The following CALD1 variants were observed in gnomAD, a reference collection of about 807,000 sequenced individuals.
The protein encoded by CALD1 is caldesmon 1, also known as caldesmon.
CALD1 carries 33 observed loss-of-function variants against 99.9 expected under a neutral mutation model. The observed-to-expected ratio is 0.33, with a 90% CI of 0.25 to 0.44. The LOEUF is 0.44. Ranked by LOEUF, CALD1 falls within the 20% of genes least tolerant of loss-of-function variation. CALD1 has a pLI of 1.00. For missense variants in CALD1, 861 were observed against 962.1 expected, an observed-to-expected ratio of 0.89 and a Z score of 1.39; for synonymous variants, 310 against 325.0, an observed-to-expected ratio of 0.95 and a Z score of 0.50.
chr7:134,739,169 G>A, the CALD1 span, among the ~76,000 whole-genome samples: 1 of 152,038 alleles, frequency 6.6e-6, no homozygotes. Context: ...TTCTATAGTG[G>A]GAAACAAGCA....
chr7:134,968,583 G>C lies in CALD1; in HGVS notation c.*238G>C. 1 of 691,854 alleles carries C rather than the reference G, an allele frequency of 1.4e-6. No individual in the cohort carries two copies. Among genetic ancestry groups the C allele is most frequent in the Non-Finnish European group, 2.6e-6 (1 of 377,474 alleles). The allele number at this position is 691,854 out of a possible 1,614,324, so 42.9% of individuals were successfully genotyped here. A position where few individuals can be genotyped will look rare whatever the true frequency, so the allele number is the denominator to read the frequency against. On this transcript the variant is annotated 3_prime_UTR_variant, in exon 15 of 15. Transcript: ENST00000361675. ...CTGTTTCTAAAGAAACCCATGCTGT[G>C]AAATAGAGACTTTTCTACTGATCAT...
chr7:134,747,205 G>A (rs1796642184), intron 1 of CALD1, among the ~76,000 whole-genome samples: 1 of 152,172 alleles, frequency 6.6e-6, no homozygotes, highest in South Asian at 2.1e-4. Context: ...ACCAAAGATA[G>A]AAGAAGTGAC....
Position 134,947,562 on chromosome 7 carries a change from G to C in CALD1, c.1587G>C (p.Gln529His). 1 of 1,562,400 alleles carries C rather than the reference G, an allele frequency of 6.4e-7. No homozygotes were observed. Among genetic ancestry groups the C allele is most frequent in the Non-Finnish European group, 8.7e-7 (1 of 1,152,956 alleles). ...VDTKEAEGAP[Q>H]VEAGKRLEEL... ...CCAAGGAGGCTGAGGGCGCCCCCCA[G>C]GTGGAAGCCGGCAAAAGGCTGGAGG... is the stretch of plus-strand genomic sequence containing the variant. Residue 529 changes from glutamine to histidine, a missense_variant, in exon 8 of 15, where the codon CAG (glutamine) becomes CAC (histidine). This residue lies in a region of CALD1 where 293 missense variants were observed against 262.7 expected (regional missense o/e 1.12). Coordinates refer to ENST00000361675, the MANE Select transcript of CALD1 (RefSeq NM_033138.4).
intron 2 of CALD1, among the ~76,000 whole-genome samples, chr7:134,853,061 A>G (rs933058793): frequency 2.6e-5 from 4 of 152,328 alleles, no homozygotes; most frequent in Admixed American, 1.3e-4. Flanking sequence ...GGGTCTAGAA[A>G]GATGCCCTCT....
At chr7:134,912,552 A>G (rs769897870) in intron 3 of CALD1, among the ~76,000 whole-genome samples, 7 of 152,200 alleles carry the variant, frequency 4.6e-5, no homozygotes, top group Non-Finnish European at 8.8e-5. Flanking sequence ...TTTACAGCAG[A>G]GAGGGGGAAT....
At chr7:134,777,186 T>G (rs1796925019), upstream of CALD1, among the ~76,000 whole-genome samples, 1 of 152,170 alleles carries the variant, frequency 6.6e-6, no homozygotes, top group Non-Finnish European at 1.5e-5. Context: ...AATTCTTGAT[T>G]GTTTAAAAAA....
chr7:134,917,808 G>A (rs546394291), intron 3 of CALD1, among the ~76,000 whole-genome samples: 3 of 152,326 alleles, frequency 2.0e-5, no homozygotes, highest in South Asian at 2.1e-4. Context: ...GATGGAAAGA[G>A]AGGAAGGAGT....
intron 1 of CALD1, among the ~76,000 whole-genome samples, chr7:134,816,520 C>T (rs889496977): frequency 6.6e-6 from 1 of 152,180 alleles, no homozygotes; most frequent in Non-Finnish European, 1.5e-5. Flanking sequence ...TGTGTACATG[C>T]TCAGAAACCA....
chr7:134,965,341 C>A lies in CALD1; in HGVS notation c.2331C>A (p.Asn777Lys). The change falls in exon 14 of 15, where the codon AAC (asparagine) becomes AAA (lysine). Residue 777 changes from asparagine (N) to lysine (K), a missense_variant. By Grantham distance (94) the Asn-to-Lys change is moderately conservative (BLOSUM62 0). Coordinates refer to ENST00000361675, the MANE Select transcript of CALD1 (RefSeq NM_033138.4). Reference sequence around the variant, plus strand: ...CAGGAGACGTATCCAGCAAGCGGAACCTCTGGGAAAAGCAATCTGTGGATA... The same window carrying A: ...CAGGAGACGTATCCAGCAAGCGGAAACTCTGGGAAAAGCAATCTGTGGATA... ...LRPGDVSSKRNLWEKQSVDKV... is the reference protein window; with the variant it reads ...LRPGDVSSKRKLWEKQSVDKV... 6.3e-7 allele frequency: 1 copy of A among 1,596,902 alleles called. No homozygotes were observed. The highest frequency in any genetic ancestry group is 8.6e-7 in the Non-Finnish European group (1 of 1,164,356).
Position 134,970,673 on chromosome 7 carries a change from A to G in CALD1, c.*2328A>G, listed in dbSNP as rs957676505. On this transcript the variant is annotated 3_prime_UTR_variant, in exon 15 of 15. Transcript: ENST00000361675. Reference sequence around the variant, plus strand: ...TTTCTCACTTATTTTTATGTACAATATTGATAGTGAGAGGTATGTCTATTA... The same window carrying G: ...TTTCTCACTTATTTTTATGTACAATGTTGATAGTGAGAGGTATGTCTATTA... 1.3e-5 allele frequency: 2 copies of G among 152,506 alleles called. No individual in the cohort carries two copies. The highest frequency in any genetic ancestry group is 2.4e-5 in the African/African-American group (1 of 41,438). 9.4% of individuals were successfully genotyped at this position (152,506 alleles called of 1,614,324 possible).
At chr7:134,868,790 G>A (rs1281764675) in intron 3 of CALD1, among the ~76,000 whole-genome samples, 3 of 152,154 alleles carry the variant, frequency 2.0e-5, no homozygotes, top group African/African-American at 7.2e-5. Flanking sequence ...AAGGCACTAT[G>A]GATGGTACCT....
chr7:134,743,049 GAA>G (rs994118695), upstream of CALD1, among the ~76,000 whole-genome samples: 4 of 152,174 alleles, frequency 2.6e-5, no homozygotes, highest in African/African-American at 9.7e-5. Context: ...ATACTCATAG[GAA>G]AAGATTTTTG....
At chr7:134,764,844 G>A (rs1230492708) in intron 1 of CALD1, among the ~76,000 whole-genome samples, 1 of 152,134 alleles carries the variant, frequency 6.6e-6, no homozygotes, top group East Asian at 1.9e-4. Flanking sequence ...CGTGATGTGG[G>A]GCTGGTGCCA....
chr7:134,714,674 A>G, the CALD1 span, among the ~76,000 whole-genome samples: 1 of 152,260 alleles, frequency 6.6e-6, no homozygotes, highest in African/African-American at 2.4e-5. Flanking sequence ...GAGGAGCAGC[A>G]TATGGGCTGT....
At chr7:134,711,722 GTGTGTC>G in the CALD1 span, among the ~76,000 whole-genome samples, 696 of 96,202 alleles carry the variant, frequency 7.2e-3, 8 homozygotes, top group African/African-American at 0.021. Context: ...GTGTGTGTGT[GTGTGTC>G]TCTCTCTCTG....
chr7:134,760,030 G>T (rs1295562511), intron 1 of CALD1, among the ~76,000 whole-genome samples: 2 of 152,176 alleles, frequency 1.3e-5, no homozygotes, highest in African/African-American at 2.4e-5. Context: ...GAAGATATGT[G>T]CAGGGGAAAG....
chr7:134,762,774 C>T (rs1796790284), intron 1 of CALD1, among the ~76,000 whole-genome samples: 1 of 152,142 alleles, frequency 6.6e-6, no homozygotes, highest in Non-Finnish European at 1.5e-5. Flanking sequence ...CACCCATGAT[C>T]CAATCACCTC....
At chr7:134,892,093 TTAGAG>T (rs1484140874) in intron 3 of CALD1, among the ~76,000 whole-genome samples, 1 of 152,166 alleles carries the variant, frequency 6.6e-6, no homozygotes. Flanking sequence ...TGCCCAATCC[TTAGAG>T]TAAACAGCCA....
At chr7:134,827,978 G>C (rs537210550) in intron 1 of CALD1, among the ~76,000 whole-genome samples, 7 of 152,152 alleles carry the variant, frequency 4.6e-5, no homozygotes, top group Non-Finnish European at 1.0e-4. Flanking sequence ...TGGGCAAAGG[G>C]GGCAGGTGTC....
Sources: allele counts gnomAD v4.1 joint callset (sites outside exome capture counted in the v4.1 genomes callset), GRCh38; gene constraint gnomAD v4.1.1; regional missense constraint gnomAD v4.1.1; transcripts MANE v1.5; gene names NCBI Gene and HGNC (gene_info 2026-07-23, HGNC 2026-07-21).